RNF150: variants seen among roughly 807,000 people sequenced by gnomAD.
RNF150 encodes ring finger protein 150.
A neutral mutation model predicts 39.3 loss-of-function variants in RNF150; 24 were observed. The observed-to-expected ratio is 0.61, with a 90% confidence interval of 0.44 to 0.86. The LOEUF is 0.86. Among genes scored for constraint, RNF150 ranks in the 40% least tolerant of loss-of-function variants. The pLI is 0.00. For synonymous variants in RNF150, 255 were observed against 227.3 expected (o/e 1.12, Z -1.10); for missense variants, 502 against 587.8 (o/e 0.85, Z 1.51).
chr4:140,956,355 G>A (rs1732753651), intron 2 of RNF150, among the ~76,000 whole-genome samples: 1 of 152,168 alleles, frequency 6.6e-6, no homozygotes, highest in Non-Finnish European at 1.5e-5. Context: ...GGGAATGAGG[G>A]GATACTTGGC....
At chr4:140,915,148 G>C (rs994107590) in intron 5 of RNF150, among the ~76,000 whole-genome samples, 1 of 152,292 alleles carries the variant, frequency 6.6e-6, no homozygotes, top group East Asian at 1.9e-4. Flanking sequence ...TGAGCCCTTA[G>C]CATAAGTAAG....
At chr4:140,946,899 A>G (rs548824820) in intron 4 of RNF150, among the ~76,000 whole-genome samples, 18 of 152,210 alleles carry the variant, frequency 1.2e-4, no homozygotes, top group Non-Finnish European at 2.2e-4. Flanking sequence ...ATTTACACAG[A>G]TGCAAAAAAC....
At chr4:141,116,048 A>C (rs895124041) in intron 1 of RNF150, among the ~76,000 whole-genome samples, 2 of 152,180 alleles carry the variant, frequency 1.3e-5, no homozygotes, top group Non-Finnish European at 2.9e-5. Flanking sequence ...CCTAGAAGAA[A>C]TCCTAGGCAA....
chr4:141,094,617 C>T (rs1285424138), intron 1 of RNF150, among the ~76,000 whole-genome samples: 1 of 152,218 alleles, frequency 6.6e-6, no homozygotes, highest in Non-Finnish European at 1.5e-5. Flanking sequence ...TGGGGCTGTA[C>T]AAAAACAGGC....
chr4:140,920,575 T>C (rs1250060727), intron 5 of RNF150, among the ~76,000 whole-genome samples: 1 of 119,442 alleles, frequency 8.4e-6, no homozygotes. Flanking sequence ...AGGAACACTT[T>C]TACACTGTTG....
chr4:140,952,776 C>A (rs928967169), intron 2 of RNF150, among the ~76,000 whole-genome samples: 2 of 152,150 alleles, frequency 1.3e-5, no homozygotes, highest in African/African-American at 2.4e-5. Context: ...AGGAGATGGG[C>A]TTCCCAAATT....
chr4:141,084,083 C>T (rs181535631), intron 1 of RNF150, among the ~76,000 whole-genome samples: 1 of 152,284 alleles, frequency 6.6e-6, no homozygotes, highest in African/African-American at 2.4e-5. Context: ...AGAATACACC[C>T]ATTTCATTCC....
chr4:141,127,408 T>C (rs1726781984), intron 1 of RNF150, among the ~76,000 whole-genome samples: 1 of 152,246 alleles, frequency 6.6e-6, no homozygotes, highest in Non-Finnish European at 1.5e-5. Context: ...AAAGTACACA[T>C]AAATATTCTA....
chr4:141,153,195 CA>C (rs1652608650), intron 1 of RNF150, among the ~76,000 whole-genome samples: 1 of 152,078 alleles, frequency 6.6e-6, no homozygotes, highest in African/African-American at 2.4e-5. Flanking sequence ...AGGGTTAATA[CA>C]GTGTTGTGGA....
intron 1 of RNF150, among the ~76,000 whole-genome samples, chr4:141,183,919 T>A (rs975911220): frequency 2.6e-5 from 4 of 152,224 alleles, no homozygotes; most frequent in Non-Finnish European, 4.4e-5. Flanking sequence ...GATGGGCATT[T>A]GGGTTGGTTC....
intron 2 of RNF150, among the ~76,000 whole-genome samples, chr4:140,959,093 A>G (rs1732907062): frequency 6.6e-6 from 1 of 152,082 alleles, no homozygotes; most frequent in Non-Finnish European, 1.5e-5. Context: ...CATTTTTATG[A>G]TAAATCTGGC....
intron 1 of RNF150, among the ~76,000 whole-genome samples, chr4:140,988,691 GGCACAT>G (rs1734093298): frequency 7.9e-6 from 1 of 126,534 alleles, no homozygotes; most frequent in African/African-American, 3.1e-5. Context: ...CTGCTATAAA[GGCACAT>G]GCACATGTAT....
chr4:141,203,076 T>TATAC (rs369790675), intron 1 of RNF150, among the ~76,000 whole-genome samples: 26,740 of 132,984 alleles, frequency 0.2, 3,695 homozygotes, highest in South Asian at 0.28. Context: ...TATATATATA[T>TATAC]ACACACATAT....
intron 1 of RNF150, among the ~76,000 whole-genome samples, chr4:141,062,748 A>T (rs1737286426): frequency 6.6e-6 from 1 of 151,986 alleles, no homozygotes; most frequent in Non-Finnish European, 1.5e-5. Flanking sequence ...TATTATGCTG[A>T]GATTTGGGGT....
At chr4:141,185,049 T>G (rs1344118269) in intron 1 of RNF150, among the ~76,000 whole-genome samples, 4 of 152,098 alleles carry the variant, frequency 2.6e-5, no homozygotes, top group Admixed American at 6.5e-5. Context: ...AAAGTAGGGT[T>G]TTCTAGTTCT....
intron 6 of RNF150, among the ~76,000 whole-genome samples, chr4:140,906,737 A>T (rs938691793): frequency 6.6e-6 from 1 of 152,166 alleles, no homozygotes; most frequent in Non-Finnish European, 1.5e-5. Context: ...CATCATGCCA[A>T]GTGCTTTTCA....
At chr4:140,897,904 TAGC>T (rs1301663925) in intron 6 of RNF150, among the ~76,000 whole-genome samples, 1 of 152,198 alleles carries the variant, frequency 6.6e-6, no homozygotes, top group Non-Finnish European at 1.5e-5. Flanking sequence ...GTTACACAGA[TAGC>T]AGGTGGCAGG....
chr4:140,868,414 G>A (rs764040325), intron 6 of RNF150, 35 bp from the exon 7 acceptor site: 9 of 1,135,544 alleles, frequency 7.9e-6, no homozygotes, highest in South Asian at 3.7e-5. Flanking sequence ...AGTGAACACC[G>A]AGCTATGTCT....
At chr4:141,160,841 T>A (rs1484668142) in intron 1 of RNF150, among the ~76,000 whole-genome samples, 1 of 152,240 alleles carries the variant, frequency 6.6e-6, no homozygotes, top group Non-Finnish European at 1.5e-5. Context: ...GATGCCAGCA[T>A]CATGCTTCCT....
Sources: allele counts gnomAD v4.1 joint callset (sites outside exome capture counted in the v4.1 genomes callset), GRCh38; gene constraint gnomAD v4.1.1; transcripts MANE v1.5; gene names NCBI Gene and HGNC (gene_info 2026-07-23, HGNC 2026-07-21).